The following UVSSA variants were observed in gnomAD, a reference collection of about 807,000 sequenced individuals.
UVSSA encodes UV stimulated scaffold protein A.
In UVSSA, 72 loss-of-function variants were observed where a neutral mutation model predicts 73.9. The ratio of observed to expected loss-of-function variants is 0.97; its 90% confidence interval spans 0.81 to 1.19. UVSSA has a LOEUF of 1.19. Among genes scored for constraint, UVSSA ranks in the 50% most tolerant of loss-of-function variants. The pLI is 0.00. For missense variants in UVSSA, 1,150 were observed against 965.0 expected (o/e 1.19, Z -2.54); for synonymous variants, 454 against 391.3 (o/e 1.16, Z -1.89).
intron 7 of UVSSA, among the ~76,000 whole-genome samples, chr4:1,365,752 C>G (rs761085490): frequency 3.3e-5 from 5 of 152,226 alleles, no homozygotes; most frequent in African/African-American, 4.8e-5. Flanking sequence ...AGCCCTGGCC[C>G]GTTGCCTAAG....
At chr4:1,353,589 C>T (rs1459953850) in intron 5 of UVSSA, among the ~76,000 whole-genome samples, 176 bp downstream of exon 5, 6 of 152,196 alleles carry the variant, frequency 3.9e-5, no homozygotes, top group African/African-American at 1.4e-4. Flanking sequence ...TGGGCTCCCC[C>T]CACCCATGCC....
rs751102372 is a variant in UVSSA at position 1,395,072 on chromosome 4, C to T, written c.*9111C>T. ...GCTCACACGTGCCAACGTGGAGTGC[C>T]CGCCTGATCACACGTGCCCATGTGG... On this transcript the variant is annotated 3_prime_UTR_variant, in exon 14 of 14. Coordinates refer to the UVSSA transcript ENST00000511216. 4 of 1,310,718 alleles carry T rather than the reference C, an allele frequency of 3.1e-6. 1 individual carries two copies. The highest frequency in any genetic ancestry group is 2.3e-5 in the East Asian group (1 of 42,842). The allele number at this position is 1,310,718 out of a possible 1,614,324, so 81.2% of individuals were successfully genotyped here. A position where few individuals can be genotyped will look rare whatever the true frequency, so the allele number is the denominator to read the frequency against.
exon 14 of UVSSA, chr4:1,395,711 C>T (rs1456064752): frequency 4.3e-6 from 7 of 1,614,222 alleles, no homozygotes; most frequent in Non-Finnish European, 5.9e-6. Context: ...CACACAAAGC[C>T]CTGGCATGGT....
intron 12 of UVSSA, among the ~76,000 whole-genome samples, chr4:1,381,330 A>G (rs1290957225): frequency 6.6e-6 from 1 of 152,212 alleles, no homozygotes; most frequent in Admixed American, 6.5e-5. Context: ...AAGGCGAGAG[A>G]AGTGATTGGG....
rs919125059 is a variant in UVSSA, at chr4:1,386,078, G to A, written c.*117G>A. 2.8e-6 allele frequency: 3 copies of A among 1,081,502 alleles called. No individual in the cohort carries two copies. Among genetic ancestry groups the A allele is most frequent in the Admixed American group, 2.0e-5 (1 of 51,080 alleles). The allele number at this position is 1,081,502 out of a possible 1,614,324, so 67.0% of individuals were successfully genotyped here. A position where few individuals can be genotyped will look rare whatever the true frequency, so the allele number is the denominator to read the frequency against. On this transcript the variant is annotated 3_prime_UTR_variant, in exon 14 of 14. Coordinates refer to ENST00000389851, the MANE Select transcript of UVSSA (RefSeq NM_020894.4). Reference sequence around the variant, plus strand: ...TGCTTTGTCTATTACTGTGTTTGATGTAAAGAAATGGTGTGTTGCAATGCC... The same window carrying A: ...TGCTTTGTCTATTACTGTGTTTGATATAAAGAAATGGTGTGTTGCAATGCC...
intron 5 of UVSSA, 112 bp downstream of exon 5, chr4:1,353,525 G>A: frequency 7.3e-7 from 1 of 1,367,826 alleles, no homozygotes; most frequent in Non-Finnish European, 9.6e-7. Context: ...CCTCCCCTGG[G>A]GAGCTAGGTC....
chr4:1,394,455 G>A, exon 14 of UVSSA: 1 of 1,607,348 alleles, frequency 6.2e-7, no homozygotes, highest in South Asian at 1.1e-5. Flanking sequence ...CAAAATGTGA[G>A]CCAGGAAACC....
chr4:1,355,338 C>G (rs536449096), intron 7 of UVSSA, 93 bp downstream of exon 7: 1 of 1,308,556 alleles, frequency 7.6e-7, no homozygotes, highest in South Asian at 1.4e-5. Flanking sequence ...CCTGTGGGCC[C>G]GGCGGACCCC....
intron 6 of UVSSA, 92 bp downstream of exon 6, chr4:1,354,939 G>T (rs1160063721): frequency 6.5e-7 from 1 of 1,537,332 alleles, no homozygotes; most frequent in Non-Finnish European, 8.8e-7. Context: ...CTGTGGCCCG[G>T]TGACTGAATG....
chr4:1,386,182 G>T lies in UVSSA; in HGVS notation c.*221G>T. 1 of 540,854 alleles carries T rather than the reference G, an allele frequency of 1.8e-6. No homozygotes were observed. The highest frequency in any genetic ancestry group is 3.3e-6 in the Non-Finnish European group (1 of 300,826). 33.5% of individuals were successfully genotyped at this position (540,854 alleles called of 1,614,324 possible). A position where few individuals can be genotyped will look rare whatever the true frequency, so the allele number is the denominator to read the frequency against. On this transcript the variant is annotated 3_prime_UTR_variant, in exon 14 of 14. Coordinates refer to ENST00000389851, the MANE Select transcript of UVSSA (RefSeq NM_020894.4). ...TCTGGCCTCGCAGAAGAGGCCCTCG[G>T]GCCTGGAGATGTGAACACAGGCAGC...
At chr4:1,372,773 G>A (rs199622028) in intron 8 of UVSSA, among the ~76,000 whole-genome samples, 64 of 20,266 alleles carry the variant, frequency 3.2e-3, no homozygotes, top group East Asian at 0.031. Context: ...CGCGTCTCAG[G>A]GCACTCACCT....
Position 1,380,281 on chromosome 4 carries a change from G to A in UVSSA, c.1752+51G>A, listed in dbSNP as rs770613852. ...GTGGGTGTGGGCTGGACCAGGTGGG[G>A]CAGCCAGAGGGGTGCTGAGCCCCAC... On this transcript the variant is annotated intron_variant, in intron 11 of 13. Coordinates refer to ENST00000389851, the MANE Select transcript of UVSSA (RefSeq NM_020894.4). 7 of 1,568,116 alleles carry A rather than the reference G, an allele frequency of 4.5e-6. No homozygotes were observed. The Admixed American group carries it at 1.1e-4, about 24-fold the overall frequency.
intron 12 of UVSSA, 42 bp from the exon 13 acceptor site, chr4:1,383,724 C>A (rs1460805371): frequency 6.2e-7 from 1 of 1,609,512 alleles, no homozygotes; most frequent in African/African-American, 1.3e-5. Context: ...AGGCTCTGGT[C>A]AGTGCCAGAC....
In UVSSA at chr4:1,369,988, G is replaced by A. The variant is rs552114417; in HGVS notation, c.1288+3557G>A. On this transcript the variant is annotated intron_variant, in intron 8 of 13. Transcript: ENST00000389851. ...ATGCCCTCAGTGCCTGAGGAATGCTGTCTGATTTTTGGGGTTTTGCTTTGA... is the reference window on the plus strand; with the variant it reads ...ATGCCCTCAGTGCCTGAGGAATGCTATCTGATTTTTGGGGTTTTGCTTTGA... Among the ~76,000 whole-genome samples, 5 of 152,348 alleles carry A rather than the reference G, an allele frequency of 3.3e-5. No homozygotes were observed. In the East Asian group the frequency reaches 9.6e-4, roughly 29 times the overall value.
At chr4:1,367,943 C>T (rs1322317483) in intron 8 of UVSSA, among the ~76,000 whole-genome samples, 1 of 152,254 alleles carries the variant, frequency 6.6e-6, no homozygotes, top group African/African-American at 2.4e-5. Flanking sequence ...CCACGCCTGA[C>T]ATGAGGGCCC....
chr4:1,363,469 T>C (rs1194364110), intron 7 of UVSSA, among the ~76,000 whole-genome samples: 2 of 152,220 alleles, frequency 1.3e-5, no homozygotes, highest in Non-Finnish European at 2.9e-5. Context: ...GCATAATATT[T>C]TTTGAAAACG....
chr4:1,386,231 C>T lies in UVSSA; in HGVS notation c.*270C>T, dbSNP rs372474367. 2.5e-5 allele frequency: 11 copies of T among 441,412 alleles called. No homozygotes were observed. The highest frequency in any genetic ancestry group is 1.1e-4 in the Admixed American group (3 of 28,282). 27.3% of individuals were successfully genotyped at this position (441,412 alleles called of 1,614,324 possible). ...GCGACCCTGTTCCAGAGGGCTTCTG[C>T]GAGTCCTCGTGAGACCAGTGCTTGT... is the stretch of plus-strand genomic sequence containing the variant. On this transcript the variant is annotated 3_prime_UTR_variant, in exon 14 of 14. Coordinates refer to ENST00000389851, the MANE Select transcript of UVSSA (RefSeq NM_020894.4).
intron 2 of UVSSA, 43 bp from the exon 3 acceptor site, chr4:1,349,481 T>G: frequency 1.3e-6 from 2 of 1,581,740 alleles, no homozygotes; most frequent in Non-Finnish European, 1.7e-6. Flanking sequence ...CCGCCCATCC[T>G]CTGCGTGTGG....
chr4:1,346,196 C>T (rs2109034465), upstream of UVSSA, among the ~76,000 whole-genome samples: 1 of 152,360 alleles, frequency 6.6e-6, no homozygotes, highest in East Asian at 1.9e-4. Flanking sequence ...ATCCTGAAAC[C>T]CACCCTGTAA....
Sources: allele counts gnomAD v4.1 joint callset (sites outside exome capture counted in the v4.1 genomes callset), GRCh38; gene constraint gnomAD v4.1.1; transcripts MANE v1.5; gene names NCBI Gene and HGNC (gene_info 2026-07-23, HGNC 2026-07-21).